Variants in RAD54B observed in about 807,000 individuals in gnomAD.
The protein encoded by RAD54B is RAD54 homolog B.
Under a neutral mutation model 95.8 loss-of-function variants are expected in RAD54B, and 78 were observed. The ratio of observed to expected loss-of-function variants is 0.81; its 90% CI spans 0.68 to 0.98. The LOEUF is 0.98. Ranked by LOEUF, RAD54B falls within the 50% of genes least tolerant of loss-of-function variation. RAD54B has a pLI of 0.00. For synonymous variants in RAD54B, 328 were observed against 354.9 expected (o/e 0.92, Z 0.85); for missense variants, 957 against 1,056.6 (o/e 0.91, Z 1.31).
chr8:94,432,489 TC>T (rs1812130776), intron 3 of RAD54B: 1 of 1,550,498 alleles, frequency 6.4e-7, no homozygotes, highest in African/African-American at 1.4e-5. Flanking sequence ...TAATTCATGT[TC>T]TTCTCTTTGC....
rs59955111 is a variant in RAD54B at position 94,377,975 on chromosome 8, C to CAA, written c.2515+203_2515+204dup. On this transcript the variant is annotated intron_variant, in intron 14 of 14. Coordinates refer to ENST00000336148, the MANE Select transcript of RAD54B (RefSeq NM_012415.3). ...TGGGCGACAGAGCGAGACTCCGTCT[C>CAA]AAAAAAAAAAAAAAAAAAAAAAAAG... 2.8e-3 allele frequency among the ~76,000 whole-genome samples: 215 copies of CAA among 77,124 alleles called. 6 individuals are homozygous for CAA. The highest frequency in any genetic ancestry group is 9.3e-3 in the African/African-American group (191 of 20,614). The allele number at this position is 77,124 out of a possible 152,430, so 50.6% of individuals were successfully genotyped here.
At chr8:94,426,319 C>T (rs1283069246) in intron 3 of RAD54B, among the ~76,000 whole-genome samples, 2 of 150,804 alleles carry the variant, frequency 1.3e-5, no homozygotes, top group Non-Finnish European at 2.9e-5. Context: ...ATGATATAAT[C>T]ACTTTAGAAA....
At chr8:94,473,429 G>C (rs1332012488) in intron 1 of RAD54B, among the ~76,000 whole-genome samples, 1 of 152,182 alleles carries the variant, frequency 6.6e-6, no homozygotes, top group East Asian at 1.9e-4. Context: ...GTTTACTTTG[G>C]CTCCATGTGT....
chr8:94,399,851 G>A (rs551598365), intron 7 of RAD54B, among the ~76,000 whole-genome samples: 51 of 152,270 alleles, frequency 3.3e-4, no homozygotes, highest in African/African-American at 1.2e-3. Context: ...TGCTAGCATG[G>A]TTGGGTTCTG....
At chr8:94,379,321 TACAG>T (rs1336643838) in intron 12 of RAD54B, among the ~76,000 whole-genome samples, 3 of 152,312 alleles carry the variant, frequency 2.0e-5, no homozygotes, top group Non-Finnish European at 2.9e-5. Flanking sequence ...GTTCCATGAC[TACAG>T]AACTGACCCC....
intron 11 of RAD54B, among the ~76,000 whole-genome samples, chr8:94,383,400 G>C (rs923539527): frequency 6.6e-6 from 1 of 151,864 alleles, no homozygotes; most frequent in Non-Finnish European, 1.5e-5. Flanking sequence ...AAAATACAGA[G>C]GCACCTAGAG....
chr8:94,458,122 A>T (rs1207025385), intron 3 of RAD54B, 146 bp downstream of exon 3: 7 of 668,940 alleles, frequency 1.0e-5, no homozygotes, highest in Non-Finnish European at 1.2e-5. Context: ...ATAAATTATG[A>T]CAACAAAAAA....
rs983735334 is a variant in RAD54B, at chr8:94,382,013, C to T, written c.1986-1607G>A. On this transcript the variant is annotated intron_variant, in intron 11 of 14. Coordinates refer to ENST00000336148, the MANE Select transcript of RAD54B (RefSeq NM_012415.3). The stretch of plus-strand genomic sequence containing the variant: ...CCTGTAGTCCCAGCTACTCCGGAGG[C>T]TGAAGCAGGAGAATGGCGTGAACCT... 2.0e-5 allele frequency among the ~76,000 whole-genome samples: 3 copies of T among 151,198 alleles called. No homozygotes were observed. In the Admixed American group the frequency reaches 2.0e-4, roughly 10 times the overall value.
chr8:94,405,277 A>G (rs1015313821), intron 5 of RAD54B, among the ~76,000 whole-genome samples: 1 of 152,222 alleles, frequency 6.6e-6, no homozygotes, highest in African/African-American at 2.4e-5. Flanking sequence ...AAATTAGATA[A>G]TAAACCCACC....
intron 6 of RAD54B, among the ~76,000 whole-genome samples, chr8:94,402,397 G>A (rs752843287): frequency 1.3e-5 from 2 of 151,924 alleles, no homozygotes; most frequent in Non-Finnish European, 2.9e-5. Context: ...AGGATTATAG[G>A]TGCCTGCCAC....
rs767848832 is a variant in RAD54B at position 94,393,765 on chromosome 8, G to A, written c.1496C>T (p.Ser499Leu). ...TACCTCAGAAGCAGAAGGTTCTCTC[G>A]ATAAAATGATGGGTTCTTCATATAT... ...RKIYEEPIIL[S>L]REPSASEEEK... The change falls in exon 9 of 15, where the codon TCG becomes TTG. Residue 499 changes from serine (S) to leucine (L), a missense_variant. Ser to Leu is a moderately radical substitution (Grantham distance 145). Coordinates refer to ENST00000336148, the MANE Select transcript of RAD54B (RefSeq NM_012415.3). The A allele has an allele frequency of 4.4e-6, 7 of 1,583,152 alleles. No individual in the cohort carries two copies. The highest frequency in any genetic ancestry group is 1.4e-5 in the African/African-American group (1 of 73,988).
rs959857907 is a variant in RAD54B, at chr8:94,429,089, G to C, written c.305-17774C>G. ...ACAAGACTGACTTGGAGAAAAACAA[G>C]ATTGACTTGGAAAAGTTGCTGCAGT... On this transcript the variant is annotated intron_variant, in intron 3 of 14. Coordinates refer to ENST00000336148, the MANE Select transcript of RAD54B (RefSeq NM_012415.3). 33 of 985,220 alleles carry C rather than the reference G, an allele frequency of 3.3e-5. No homozygotes were observed. In the African/African-American group the frequency reaches 5.4e-4, roughly 16 times the overall value. The allele number at this position is 985,220 out of a possible 1,614,324, so 61.0% of individuals were successfully genotyped here.
rs186159943 is a variant in RAD54B, at chr8:94,464,039, T to C, written c.135+3366A>G. 2.0e-3 allele frequency among the ~76,000 whole-genome samples: 297 copies of C among 152,056 alleles called. 4 individuals carry two copies. In the South Asian group the frequency reaches 0.026, roughly 13 times the overall value. ...ACCCAAATGACCATTAACTAATGAA[T>C]AGATATATAAATTGTGGTATATTAA... On this transcript the variant is annotated intron_variant, in intron 2 of 14. Transcript: ENST00000336148.
At chr8:94,456,767 C>T (rs960653514) in intron 3 of RAD54B, among the ~76,000 whole-genome samples, 1 of 152,164 alleles carries the variant, frequency 6.6e-6, no homozygotes, top group African/African-American at 2.4e-5. Flanking sequence ...ACAGGTCTCT[C>T]ATCTCTATGC....
At chr8:94,472,819 C>T (rs115067734) in intron 1 of RAD54B, among the ~76,000 whole-genome samples, 3,278 of 152,148 alleles carry the variant, frequency 0.022, 106 homozygotes, top group African/African-American at 0.074. Context: ...ACACTAAATG[C>T]GAAGAATTAC....
intron 11 of RAD54B, among the ~76,000 whole-genome samples, chr8:94,384,879 G>A (rs1247593380): frequency 6.6e-6 from 1 of 152,196 alleles, no homozygotes; most frequent in Non-Finnish European, 1.5e-5. Context: ...GAGGTACGCA[G>A]ATTGCTTGAA....
At chr8:94,425,148 T>C (rs771837469) in intron 3 of RAD54B, among the ~76,000 whole-genome samples, 3 of 151,788 alleles carry the variant, frequency 2.0e-5, no homozygotes, top group Admixed American at 6.6e-5. Flanking sequence ...CATTATCGTC[T>C]TAGTGAATGA....
chr8:94,407,450 G>C lies in RAD54B; in HGVS notation c.770C>G (p.Pro257Arg). The C allele has an allele frequency of 6.2e-7, 1 of 1,610,886 alleles. No homozygotes were observed. Among genetic ancestry groups the C allele is most frequent in the Non-Finnish European group, 8.5e-7 (1 of 1,177,570 alleles). Residue 257 changes from proline to arginine, a missense_variant, in exon 5 of 15, where the codon CCA becomes CGA. Pro to Arg is a moderately radical substitution (Grantham distance 103). Transcript: ENST00000336148. ...TTTTAAAATCTTACTTGGCGTATAT[G>C]GGTCATGGCGTGGTTTGCAATTTTG... is the stretch of plus-strand genomic sequence containing the variant. ...DFQNCKPRHD[P>R]YTPNSLVMPR...
Position 94,458,271 on chromosome 8 carries a change from T to C in RAD54B, c.301A>G (p.Thr101Ala). 1 of 1,601,610 alleles carries C rather than the reference T, an allele frequency of 6.2e-7. No homozygotes were observed. The highest frequency in any genetic ancestry group is 8.5e-7 in the Non-Finnish European group (1 of 1,175,942). Reference protein sequence around the residue: ...PTLATLDPPHTVHSAPKEVAV... With the variant: ...PTLATLDPPHAVHSAPKEVAV... ...TATCAATAAAAAGCAGTCTTACCTG[T>C]ATGAGGTGGATCTAATGTTGCCAGT... Residue 101 changes from threonine to alanine, a missense_variant, in exon 3 of 15, where the codon ACA (threonine) becomes GCA (alanine). Coordinates refer to ENST00000336148, the MANE Select transcript of RAD54B (RefSeq NM_012415.3).
Sources: allele counts gnomAD v4.1 joint callset (sites outside exome capture counted in the v4.1 genomes callset), GRCh38; gene constraint gnomAD v4.1.1; transcripts MANE v1.5; gene names NCBI Gene and HGNC (gene_info 2026-07-23, HGNC 2026-07-21).